ITGA9: variants seen among roughly 807,000 people sequenced by gnomAD.
ITGA9 encodes the protein integrin alpha-9.
A neutral mutation model predicts 127.8 loss-of-function variants in ITGA9; 56 were observed. The ratio of observed to expected loss-of-function variants is 0.44; its 90% CI spans 0.35 to 0.55. The LOEUF (loss-of-function observed/expected upper bound fraction) is 0.55. Ranked by LOEUF, ITGA9 falls within the 20% of genes least tolerant of loss-of-function variation. The pLI, the probability that ITGA9 is intolerant of heterozygous loss-of-function variation, is 0.00. For synonymous variants in ITGA9, 508 were observed against 514.5 expected, an observed-to-expected ratio of 0.99 and a Z score of 0.17; for missense variants, 1,196 against 1,347.1, an observed-to-expected ratio of 0.89 and a Z score of 1.76.
At chr3:37,625,953 T>A (rs1370363340) in intron 15 of ITGA9, among the ~76,000 whole-genome samples, 2 of 152,172 alleles carry the variant, frequency 1.3e-5, no homozygotes, top group East Asian at 1.9e-4. Flanking sequence ...GACTTCTTAA[T>A]TAAAATAGGT....
chr3:37,816,317 A>G (rs964936374), intron 27 of ITGA9, among the ~76,000 whole-genome samples: 2 of 152,200 alleles, frequency 1.3e-5, no homozygotes, highest in African/African-American at 4.8e-5. Context: ...GTGCCATGGT[A>G]GGGAAATGTG....
In ITGA9 at chr3:37,812,598, G is replaced by A. The variant is rs12635164; in HGVS notation, c.3010-6293G>A. 5.0e-4 allele frequency among the ~76,000 whole-genome samples: 76 copies of A among 152,360 alleles called. No individual in the cohort carries two copies. In the East Asian group the frequency reaches 0.013, roughly 26 times the overall value. ...TGCTTTTGGATACATGGTTATATGA[G>A]AAAATTGTGTATGTCTGTTACGAGG... On this transcript the variant is annotated intron_variant, in intron 27 of 27. Transcript: ENST00000264741.
intron 15 of ITGA9, among the ~76,000 whole-genome samples, chr3:37,625,460 G>A (rs1700168122): frequency 6.6e-6 from 1 of 152,262 alleles, no homozygotes; most frequent in South Asian, 2.1e-4. Context: ...CCTCTGTGGG[G>A]ACTCCTTCAG....
rs202180882 is a variant in ITGA9, at chr3:37,785,077, C to T, written c.2888C>T (p.Thr963Met). The change falls in exon 26 of 28, where the codon ACG becomes ATG. Residue 963 changes from threonine to methionine, a missense_variant and splice_region_variant. Transcript: ENST00000264741. ...GCTCATGGGAACCCAGAAGAGGTGA[C>T]GGTGAGTCAGCCACCCCAGGACAGC... The part of the protein sequence containing the change: ...EIAHGNPEEV[T>M]VVFEALHNLE... 253 of 1,609,932 alleles carry T rather than the reference C, an allele frequency of 1.6e-4. No homozygotes were observed. Among genetic ancestry groups the T allele is most frequent in the Non-Finnish European group, 2.0e-4 (241 of 1,176,198 alleles).
chr3:37,775,383 G>GT, intron 23 of ITGA9, among the ~76,000 whole-genome samples: 1 of 152,292 alleles, frequency 6.6e-6, no homozygotes, highest in East Asian at 1.9e-4. Context: ...GGTGGCTCAT[G>GT]CCTGTAATCC....
chr3:37,775,412 AGGCG>A (rs1319628924), intron 23 of ITGA9, among the ~76,000 whole-genome samples: 1 of 152,164 alleles, frequency 6.6e-6, no homozygotes, highest in Non-Finnish European at 1.5e-5. Context: ...TGGGAGGCCG[AGGCG>A]GGCGGATCAT....
At chr3:37,471,585 G>T (rs1698431645) in intron 2 of ITGA9, among the ~76,000 whole-genome samples, 1 of 152,222 alleles carries the variant, frequency 6.6e-6, no homozygotes, top group African/African-American at 2.4e-5. Context: ...GAGGGAGCCA[G>T]GAGAGTGGAG....
chr3:37,582,270 T>C (rs1039766419), intron 15 of ITGA9, among the ~76,000 whole-genome samples: 8 of 152,264 alleles, frequency 5.3e-5, no homozygotes, highest in Admixed American at 5.2e-4. Flanking sequence ...ATTTATAGAA[T>C]CTAAAAATAG....
intron 15 of ITGA9, among the ~76,000 whole-genome samples, chr3:37,551,168 T>A (rs1416596837): frequency 6.6e-6 from 1 of 152,210 alleles, no homozygotes; most frequent in Non-Finnish European, 1.5e-5. Flanking sequence ...TTGACTGGAT[T>A]TATTGGATAG....
chr3:37,589,841 A>T (rs1699797562), intron 15 of ITGA9, among the ~76,000 whole-genome samples: 1 of 152,038 alleles, frequency 6.6e-6, no homozygotes. Flanking sequence ...AGACCATTGA[A>T]AGGACTTGGC....
At chr3:37,751,824 A>G (rs1696589450) in intron 23 of ITGA9, among the ~76,000 whole-genome samples, 1 of 152,114 alleles carries the variant, frequency 6.6e-6, no homozygotes, top group African/African-American at 2.4e-5. Context: ...GATTTTCAAA[A>G]CTATATTTAG....
chr3:37,585,886 G>A (rs1699755137), intron 15 of ITGA9, among the ~76,000 whole-genome samples: 1 of 152,146 alleles, frequency 6.6e-6, no homozygotes, highest in East Asian at 1.9e-4. Context: ...GTTAAAAATT[G>A]AGATTCCCAT....
At chr3:37,736,841 G>A (rs1416269312) in intron 19 of ITGA9, 63 bp from the exon 20 acceptor site, 1 of 1,045,550 alleles carries the variant, frequency 9.6e-7, no homozygotes, top group African/African-American at 1.6e-5. Flanking sequence ...TGCAGAAGAT[G>A]GAAGAGAACA....
At chr3:37,574,764 A>G (rs1324667563) in intron 15 of ITGA9, among the ~76,000 whole-genome samples, 3 of 152,074 alleles carry the variant, frequency 2.0e-5, no homozygotes, top group Non-Finnish European at 4.4e-5. Flanking sequence ...TTCTTTGCAG[A>G]AGGGGGGTTT....
chr3:37,666,906 G>T (rs575742390), intron 17 of ITGA9, among the ~76,000 whole-genome samples: 2 of 152,324 alleles, frequency 1.3e-5, no homozygotes, highest in South Asian at 4.1e-4. Context: ...AGGAGCTGGA[G>T]TGTTTGTACC....
intron 25 of ITGA9, 58 bp from the exon 26 acceptor site, chr3:37,784,919 A>G: frequency 7.0e-7 from 1 of 1,438,150 alleles, no homozygotes; most frequent in Middle Eastern, 1.8e-4. Context: ...AGTCCCTCTC[A>G]AGGCCCAGCC....
At chr3:37,528,069 G>C (rs951117614) in intron 13 of ITGA9, among the ~76,000 whole-genome samples, 3 of 152,220 alleles carry the variant, frequency 2.0e-5, no homozygotes, top group African/African-American at 7.2e-5. Flanking sequence ...ACAGGCGTGA[G>C]CCATTGCGCC....
chr3:37,467,872 T>C (rs930786428), intron 1 of ITGA9, among the ~76,000 whole-genome samples: 1 of 152,180 alleles, frequency 6.6e-6, no homozygotes, highest in African/African-American at 2.4e-5. Flanking sequence ...TTCTCACCTG[T>C]GAAAACAGCT....
chr3:37,803,870 G>T lies in ITGA9; in HGVS notation c.2937G>T (p.Val979=). Residue 979 remains valine (V), a synonymous_variant, in exon 27 of 28, where the codon GTG becomes GTT. Coordinates refer to ENST00000264741, the MANE Select transcript of ITGA9 (RefSeq NM_002207.3). ...LHNLEPRGYV[V]GWIIAISLLV... Reference sequence around the variant, plus strand: ...ATCTGGAGCCCCGTGGCTACGTCGTGGGGTGGATCATCGCCATCAGTTTGT... The same window carrying T: ...ATCTGGAGCCCCGTGGCTACGTCGTTGGGTGGATCATCGCCATCAGTTTGT... The T allele has an allele frequency of 8.7e-6, 14 of 1,614,170 alleles. No individual in the cohort carries two copies. The highest frequency in any genetic ancestry group is 1.2e-5 in the Non-Finnish European group (14 of 1,180,018).
Sources: gnomAD v4.1 joint callset for allele counts (sites outside exome capture counted in the v4.1 genomes callset) on GRCh38, gnomAD v4.1.1 for gene constraint, MANE v1.5 for transcripts, NCBI Gene and HGNC (gene_info 2026-07-23, HGNC 2026-07-21) for gene names.